CUBN: variants seen among roughly 807,000 people sequenced by gnomAD.
CUBN encodes the protein cubilin.
In CUBN, 282 loss-of-function variants were observed where a neutral mutation model predicts 405.3. That is an observed-to-expected ratio of 0.70 (90% CI 0.63 to 0.77). The LOEUF (loss-of-function observed/expected upper bound fraction) is 0.77, where lower values mean the gene tolerates loss of function less well. CUBN is among the 30% of genes least tolerant of loss of function. The probability of loss-of-function intolerance (pLI) is 0.00; values close to 1 mark genes in which losing one functional copy is unlikely to be tolerated. For missense variants in CUBN, 4,514 were observed against 4,475.2 expected, an observed-to-expected ratio of 1.01 and a Z score of -0.25; for synonymous variants, 1,684 against 1,617.0, an observed-to-expected ratio of 1.04 and a Z score of -0.99.
chr10:16,884,473 G>A (rs965727559), intron 56 of CUBN, among the ~76,000 whole-genome samples: 2 of 151,592 alleles, frequency 1.3e-5, no homozygotes, highest in Admixed American at 1.3e-4. Context: ...TTTAATATTT[G>A]GGAAAATAAA....
intron 54 of CUBN, among the ~76,000 whole-genome samples, chr10:16,890,844 G>A (rs1840984342): frequency 6.6e-6 from 1 of 152,120 alleles, no homozygotes; most frequent in Non-Finnish European, 1.5e-5. Flanking sequence ...ACCTAGCCGA[G>A]CTTCCCGGGT....
intron 22 of CUBN, 108 bp from the exon 23 acceptor site, chr10:17,047,711 T>C: frequency 1.9e-6 from 2 of 1,034,786 alleles, no homozygotes; most frequent in East Asian, 2.6e-5. Flanking sequence ...TGATTTTCAA[T>C]AAGCCATTCT....
At chr10:17,073,221 A>C (rs774703659) in intron 17 of CUBN, among the ~76,000 whole-genome samples, 9 of 152,222 alleles carry the variant, frequency 5.9e-5, no homozygotes, top group Non-Finnish European at 1.0e-4. Context: ...ATAAATTCAC[A>C]GTCCATTGCC....
chr10:16,922,462 G>T (rs1842062049), intron 43 of CUBN, among the ~76,000 whole-genome samples: 1 of 152,106 alleles, frequency 6.6e-6, no homozygotes, highest in South Asian at 2.1e-4. Context: ...TGTTTTCAGT[G>T]TTGCAGCTAC....
rs116485159 is a variant in CUBN, at chr10:16,834,265, G to A, written c.10362+749C>T. Among the ~76,000 whole-genome samples the A allele has an allele frequency of 4.5e-3, 685 of 152,190 alleles. 10 individuals carry two copies. Among genetic ancestry groups the A allele is most frequent in the African/African-American group, 0.016 (651 of 41,530 alleles). ...TTCCATCTCATATGCCCAATGCAGC[G>A]ATGGGGCAGAAAGAGCACAGAGGGA... is the stretch of plus-strand genomic sequence containing the variant. On this transcript the variant is annotated intron_variant, in intron 64 of 66. Coordinates refer to ENST00000377833, the MANE Select transcript of CUBN (RefSeq NM_001081.4).
At chr10:16,837,007 G>T (rs528858421) in intron 62 of CUBN, among the ~76,000 whole-genome samples, 1 of 152,136 alleles carries the variant, frequency 6.6e-6, no homozygotes, top group South Asian at 2.1e-4. Context: ...CCCTGTCACA[G>T]GAATGTCTCT....
intron 28 of CUBN, among the ~76,000 whole-genome samples, chr10:17,017,494 C>T (rs1834361990): frequency 6.6e-6 from 1 of 152,102 alleles, no homozygotes; most frequent in Admixed American, 6.5e-5. Context: ...AAAAATGAAG[C>T]AGAGGGCCAT....
chr10:17,046,202 T>A, intron 23 of CUBN, 108 bp from the exon 24 acceptor site: 1 of 972,026 alleles, frequency 1.0e-6, no homozygotes, highest in Non-Finnish European at 1.6e-6. Context: ...GTTTATTGGA[T>A]GAAGTAATTT....
chr10:16,899,354 G>A (rs1245141100), intron 53 of CUBN, among the ~76,000 whole-genome samples, 171 bp from the exon 54 acceptor site: 1 of 152,190 alleles, frequency 6.6e-6, no homozygotes, highest in African/African-American at 2.4e-5. Context: ...ATGGAAAGGT[G>A]AGTTAAATTG....
At chr10:17,080,430 T>C (rs1042554680) in intron 17 of CUBN, among the ~76,000 whole-genome samples, 17 of 152,216 alleles carry the variant, frequency 1.1e-4, no homozygotes, top group African/African-American at 3.6e-4. Context: ...TCCTGTCTTA[T>C]TGATTATATT....
intron 59 of CUBN, among the ~76,000 whole-genome samples, chr10:16,862,986 G>A (rs1840062154): frequency 6.6e-6 from 1 of 152,206 alleles, no homozygotes; most frequent in African/African-American, 2.4e-5. Context: ...GACCAGGAGT[G>A]GCAATCTAGT....
intron 31 of CUBN, among the ~76,000 whole-genome samples, chr10:16,963,328 G>A (rs1489718565): frequency 6.7e-6 from 1 of 150,310 alleles, no homozygotes; most frequent in Non-Finnish European, 1.5e-5. Context: ...TGGGATTACA[G>A]GTACACACCA....
chr10:16,950,326 CA>C (rs1842894880), intron 33 of CUBN, among the ~76,000 whole-genome samples: 1 of 152,144 alleles, frequency 6.6e-6, no homozygotes, highest in African/African-American at 2.4e-5. Flanking sequence ...TTATTTGTAA[CA>C]CAAAGGATAA....
Position 16,920,050 on chromosome 10 carries a change from G to C in CUBN, c.6734C>G (p.Ala2245Gly). ...PNHPHNYPPHADCIWILAAPP... is the reference protein window; with the variant it reads ...PNHPHNYPPHGDCIWILAAPP... Reference sequence around the variant, plus strand: ...AGCCGCTAAGATCCAAATGCAATCAGCGTGCGGGGGATAATTATGAGGGTG... The same window carrying C: ...AGCCGCTAAGATCCAAATGCAATCACCGTGCGGGGGATAATTATGAGGGTG... Residue 2245 changes from alanine to glycine, a missense_variant, in exon 44 of 67, where the codon GCT becomes GGT. By Grantham distance (60) the Ala-to-Gly change is moderately conservative (BLOSUM62 0). This residue lies in a region of CUBN where 1,613 missense variants were observed against 1,542.8 expected (regional missense o/e 1.05). Coordinates refer to ENST00000377833, the MANE Select transcript of CUBN (RefSeq NM_001081.4). 6.2e-7 allele frequency: 1 copy of C among 1,614,048 alleles called. No homozygotes were observed.
intron 54 of CUBN, among the ~76,000 whole-genome samples, chr10:16,898,066 G>GTATGTATATA (rs982879441): frequency 6.9e-6 from 1 of 145,032 alleles, no homozygotes; most frequent in African/African-American, 2.5e-5. Flanking sequence ...TTTATTATAT[G>GTATGTATATA]TATATATATA....
chr10:17,074,657 T>C (rs1016267154), intron 17 of CUBN, among the ~76,000 whole-genome samples: 2 of 152,200 alleles, frequency 1.3e-5, no homozygotes, highest in Non-Finnish European at 2.9e-5. Context: ...CCAACCCACA[T>C]AACTGTGTCA....
intron 27 of CUBN, among the ~76,000 whole-genome samples, chr10:17,021,034 G>C (rs953154218): frequency 6.6e-6 from 1 of 152,088 alleles, no homozygotes; most frequent in Non-Finnish European, 1.5e-5. Flanking sequence ...TGACGATCAT[G>C]TTTTAAACTA....
chr10:17,042,860 T>A (rs1172491120), intron 26 of CUBN, among the ~76,000 whole-genome samples: 1 of 152,172 alleles, frequency 6.6e-6, no homozygotes, highest in African/African-American at 2.4e-5. Context: ...ATTTTGTGAC[T>A]TTTAATTCCA....
Position 16,890,022 on chromosome 10 carries a change from T to C in CUBN, c.8755+349A>G, listed in dbSNP as rs147225168. Among the ~76,000 whole-genome samples, 36 of 151,356 alleles carry C rather than the reference T, an allele frequency of 2.4e-4. No homozygotes were observed. In the East Asian group the frequency reaches 6.6e-3, roughly 28 times the overall value. On this transcript the variant is annotated intron_variant, in intron 55 of 66. Coordinates refer to ENST00000377833, the MANE Select transcript of CUBN (RefSeq NM_001081.4). ...GGAGTGAGGCTCAGGAATCTGCATGTGTTTCAAGCCCCCCACGGGATTTTG... is the reference window on the plus strand; with the variant it reads ...GGAGTGAGGCTCAGGAATCTGCATGCGTTTCAAGCCCCCCACGGGATTTTG...
Sources: allele counts gnomAD v4.1 joint callset (sites outside exome capture counted in the v4.1 genomes callset), GRCh38; gene constraint gnomAD v4.1.1; regional missense constraint gnomAD v4.1.1; transcripts MANE v1.5; gene names NCBI Gene and HGNC (gene_info 2026-07-23, HGNC 2026-07-21).